The following IL33 variants were observed in gnomAD, a reference collection of about 807,000 sequenced individuals.
IL33 encodes interleukin 33.
Under a neutral mutation model 27.3 loss-of-function variants are expected in IL33, and 37 were observed. The ratio of observed to expected loss-of-function variants is 1.36; its 90% CI spans 1.04 to 1.78. The LOEUF is 1.78. Among genes scored for constraint, IL33 ranks in the 40% most tolerant of loss-of-function variants. The pLI is 0.00. For missense variants in IL33, 406 were observed against 311.4 expected (o/e 1.30, Z -2.29); for synonymous variants, 132 against 102.9 (o/e 1.28, Z -1.71).
upstream of IL33, among the ~76,000 whole-genome samples, chr9:6,215,158 A>G (rs925839526): frequency 1.3e-5 from 2 of 152,232 alleles, no homozygotes; most frequent in Non-Finnish European, 2.9e-5. Context: ...TACAGATGCC[A>G]AACGAGATGG....
Position 6,250,564 on chromosome 9 carries a change from G to A in IL33, c.182G>A (p.Arg61Lys), listed in dbSNP as rs1329680063. The change falls in exon 3 of 8, where the codon AGG (arginine) becomes AAG (lysine). Residue 61 changes from arginine to lysine, a missense_variant. Transcript: ENST00000682010. The stretch of plus-strand genomic sequence containing the variant: ...ATAAAAAAGGAGGCCTGTTACTTTA[G>A]GAGAGAAACCACCAAAAGGCCTTCA... ...LMIKKEACYF[R>K]RETTKRPSLK... The A allele has an allele frequency of 6.2e-7, 1 of 1,613,946 alleles. No homozygotes were observed. The highest frequency in any genetic ancestry group is 8.5e-7 in the Non-Finnish European group (1 of 1,179,912).
chr9:6,222,279 C>T (rs1818444524), intron 1 of IL33, among the ~76,000 whole-genome samples: 1 of 152,170 alleles, frequency 6.6e-6, no homozygotes, highest in South Asian at 2.1e-4. Context: ...TGTGTGTTAG[C>T]AGGCAGCCAT....
rs71328183 is a variant in IL33 at position 6,246,063 on chromosome 9, C to CA, written c.91+4312dup. 2.4e-4 allele frequency among the ~76,000 whole-genome samples: 12 copies of CA among 49,594 alleles called. 1 individual carries two copies. Among genetic ancestry groups the CA allele is most frequent in the African/African-American group, 5.0e-4 (6 of 12,090 alleles). 32.5% of individuals were successfully genotyped at this position (49,594 alleles called of 152,430 possible). A position where few individuals can be genotyped will look rare whatever the true frequency, so the allele number is the denominator to read the frequency against. On this transcript the variant is annotated intron_variant, in intron 2 of 7. Transcript: ENST00000682010. ...GGGTGACAGAGCAAGACTCTGTCTC[C>CA]AAAAAAAAAAAAAAAAAAAAAAAAA...
intron 1 of IL33, among the ~76,000 whole-genome samples, chr9:6,239,741 C>A (rs934497379): frequency 6.6e-6 from 1 of 152,114 alleles, no homozygotes; most frequent in Non-Finnish European, 1.5e-5. Context: ...GACAATGAGG[C>A]CTATTTCAAT....
intron 7 of IL33, 58 bp downstream of exon 7, chr9:6,254,611 ACT>A: frequency 5.1e-6 from 5 of 983,680 alleles, no homozygotes; most frequent in Non-Finnish European, 7.1e-6. Flanking sequence ...GTCATGAATG[ACT>A]CCACCAACTT....
chr9:6,239,616 G>C (rs780378740), intron 1 of IL33, among the ~76,000 whole-genome samples: 1 of 152,060 alleles, frequency 6.6e-6, no homozygotes, highest in Non-Finnish European at 1.5e-5. Flanking sequence ...CTCTGCAGCA[G>C]AGAGCTTTCT....
intron 1 of IL33, among the ~76,000 whole-genome samples, chr9:6,232,528 C>G (rs1818974102): frequency 2.6e-5 from 4 of 152,088 alleles, no homozygotes; most frequent in Admixed American, 2.6e-4. Context: ...CTTACTCTCT[C>G]CCTCCTTTTC....
chr9:6,234,874 G>A (rs774608018), intron 1 of IL33, among the ~76,000 whole-genome samples: 45 of 152,174 alleles, frequency 3.0e-4, no homozygotes, highest in Non-Finnish European at 6.0e-4. Flanking sequence ...GATTCGTGTT[G>A]TCCACAGGAT....
chr9:6,233,265 C>G (rs1433338511), intron 1 of IL33, among the ~76,000 whole-genome samples: 1 of 152,204 alleles, frequency 6.6e-6, no homozygotes, highest in Non-Finnish European at 1.5e-5. Context: ...ATCTCCGTCT[C>G]TTTCAGAACC....
chr9:6,218,690 T>C (rs867872529), intron 1 of IL33, among the ~76,000 whole-genome samples: 4,036 of 83,478 alleles, frequency 0.048, 52 homozygotes, highest in African/African-American at 0.11. Context: ...ATATATGTTC[T>C]CCATATATAT....
intron 2 of IL33, among the ~76,000 whole-genome samples, chr9:6,244,341 C>T (rs1242995087): frequency 6.6e-6 from 1 of 152,126 alleles, no homozygotes; most frequent in African/African-American, 2.4e-5. Flanking sequence ...ATATTGTCCT[C>T]CCCTCTTATT....
intron 6 of IL33, 60 bp from the exon 7 acceptor site, chr9:6,254,402 A>T: frequency 9.0e-7 from 1 of 1,113,066 alleles, no homozygotes; most frequent in Middle Eastern, 2.1e-4. Flanking sequence ...TGTTGAATTC[A>T]TTTAAATAAA....
intron 7 of IL33, among the ~76,000 whole-genome samples, chr9:6,255,030 G>A (rs1359206810): frequency 6.6e-6 from 1 of 152,020 alleles, no homozygotes; most frequent in East Asian, 1.9e-4. Flanking sequence ...TCCATTCTGA[G>A]CCTGCTTAAG....
chr9:6,227,714 G>A (rs544313724), intron 1 of IL33, among the ~76,000 whole-genome samples: 12 of 152,210 alleles, frequency 7.9e-5, no homozygotes, highest in African/African-American at 2.6e-4. Context: ...ACCACTGATG[G>A]TATATGAACT....
chr9:6,226,113 T>C (rs1818615416), intron 1 of IL33, among the ~76,000 whole-genome samples: 1 of 152,020 alleles, frequency 6.6e-6, no homozygotes, highest in Admixed American at 6.6e-5. Flanking sequence ...GCTCAAGCAA[T>C]CCTCCCACCT....
intron 2 of IL33, among the ~76,000 whole-genome samples, chr9:6,245,322 A>G (rs1239082023): frequency 1.3e-5 from 2 of 152,244 alleles, no homozygotes; most frequent in Non-Finnish European, 2.9e-5. Context: ...CCAAAGATCT[A>G]GAAACACTGG....
chr9:6,219,793 C>A (rs1030480355), intron 1 of IL33, among the ~76,000 whole-genome samples: 1 of 152,126 alleles, frequency 6.6e-6, no homozygotes, highest in Admixed American at 6.5e-5. Flanking sequence ...CTCACAGCAC[C>A]TCTGTGAGGT....
intron 1 of IL33, among the ~76,000 whole-genome samples, chr9:6,229,221 T>A (rs540486948): frequency 2.0e-5 from 3 of 152,166 alleles, no homozygotes; most frequent in Admixed American, 2.0e-4. Context: ...TGGAGAGCTG[T>A]AGGGACTTGA....
intron 1 of IL33, among the ~76,000 whole-genome samples, chr9:6,236,112 T>C (rs1262474885): frequency 1.3e-5 from 2 of 151,602 alleles, no homozygotes; most frequent in African/African-American, 4.9e-5. Context: ...AAATAAAATC[T>C]GGAAACAGCC....
Sources: gnomAD v4.1 joint callset for allele counts (sites outside exome capture counted in the v4.1 genomes callset) on GRCh38, gnomAD v4.1.1 for gene constraint, MANE v1.5 for transcripts, NCBI Gene and HGNC (gene_info 2026-07-23, HGNC 2026-07-21) for gene names.